Variants in JAG2 observed in about 807,000 individuals in gnomAD.
JAG2 encodes the protein jagged canonical Notch ligand 2.
A neutral mutation model predicts 141.7 loss-of-function variants in JAG2; 46 were observed. The ratio of observed to expected loss-of-function variants is 0.32; its 90% CI spans 0.26 to 0.42. The LOEUF (loss-of-function observed/expected upper bound fraction) is 0.42, where lower values mean the gene tolerates loss of function less well. JAG2 is among the 10% of genes least tolerant of loss of function. JAG2 has a pLI of 1.00. For missense variants in JAG2, 1,500 were observed against 1,817.5 expected (o/e 0.83, Z 3.18); for synonymous variants, 862 against 763.5 (o/e 1.13, Z -2.13).
At chr14:105,151,209 C>CACCCGCAG in intron 9 of JAG2, 74 bp downstream of exon 9, 1 of 1,466,024 alleles carries the variant, frequency 6.8e-7, no homozygotes, top group Admixed American at 1.9e-5. Flanking sequence ...GCCCCAGCAG[C>CACCCGCAG]CCCCGCAGCC....
rs776012109 is a variant in JAG2, at chr14:105,149,195, C to A, written c.1728G>T (p.Glu576Asp). The A allele has an allele frequency of 6.2e-7, 1 of 1,611,166 alleles. No homozygotes were observed. The highest frequency in any genetic ancestry group is 1.3e-5 in the African/African-American group (1 of 74,604). Reference sequence around the variant, plus strand: ...CTCTGCAGGCCCCGCCAGGGCACGGCTCGCGGGGCACGGAGCAGTTCTTGC... The same window carrying A: ...CTCTGCAGGCCCCGCCAGGGCACGGATCGCGGGGCACGGAGCAGTTCTTGC... ...FGGKNCSVPREPCPGGACRVI... is the reference protein window; with the variant it reads ...FGGKNCSVPRDPCPGGACRVI... The change falls in exon 13 of 26, where the codon GAG becomes GAT. Residue 576 changes from glutamate to aspartate, a missense_variant. By Grantham distance (45) the Glu-to-Asp change is conservative (BLOSUM62 2). Around this residue, in one of 3 missense-constraint regions of JAG2, gnomAD observed 875 missense variants for 1,202.2 expected, o/e 0.73. Coordinates refer to ENST00000331782, the MANE Select transcript of JAG2 (RefSeq NM_002226.5).
intron 2 of JAG2, among the ~76,000 whole-genome samples, chr14:105,164,869 G>A (rs2140996109): frequency 6.6e-6 from 1 of 152,262 alleles, no homozygotes; most frequent in Admixed American, 6.5e-5. Context: ...GAAAAGCTCA[G>A]CCCTTCTGAT....
rs766606501 is a variant in JAG2 at position 105,145,790 on chromosome 14, G to C, written c.2893C>G (p.His965Asp). Residue 965 changes from histidine to aspartate, a missense_variant, in exon 23 of 26, where the codon CAC becomes GAC. By Grantham distance (81) the His-to-Asp change is moderately conservative. Around this residue, in one of 3 missense-constraint regions of JAG2, gnomAD observed 425 missense variants for 441.0 expected, o/e 0.96. Coordinates refer to ENST00000331782, the MANE Select transcript of JAG2 (RefSeq NM_002226.5). ...AGGCGGGCACAGTTATTGTCCAGGT[G>C]GCCGGAGCGTGGCAGGCAGGGGGTG... ...PSTPCLPRSGHLDNNCARLTL... is the reference protein window; with the variant it reads ...PSTPCLPRSGDLDNNCARLTL... The C allele has an allele frequency of 7.6e-6, 12 of 1,577,196 alleles. No homozygotes were observed. Among genetic ancestry groups the C allele is most frequent in the Non-Finnish European group, 1.0e-5 (12 of 1,162,072 alleles).
intron 2 of JAG2, among the ~76,000 whole-genome samples, chr14:105,166,439 C>G (rs969576191): frequency 1.3e-5 from 2 of 152,260 alleles, no homozygotes; most frequent in Admixed American, 1.3e-4. Context: ...GGGCTTCTCA[C>G]AACTGCCTGG....
chr14:105,144,451 C>A (rs1484918655), intron 24 of JAG2, among the ~76,000 whole-genome samples: 1 of 152,174 alleles, frequency 6.6e-6, no homozygotes, highest in African/African-American at 2.4e-5. Context: ...ATGGCCACAC[C>A]CACTGCTCTG....
rs759753026 is a variant in JAG2 at position 105,155,733 on chromosome 14, C to T, written c.727+5G>A. 1.9e-6 allele frequency: 3 copies of T among 1,612,792 alleles called. No individual in the cohort carries two copies. Among genetic ancestry groups the T allele is most frequent in the East Asian group, 2.2e-5 (1 of 44,884 alleles). Reference sequence around the variant, plus strand: ...GCCCTCCACGCAGCCCAGCGGCCCCCTCACCTTCCTTGCACTCCTTGCCCA... The same window carrying T: ...GCCCTCCACGCAGCCCAGCGGCCCCTTCACCTTCCTTGCACTCCTTGCCCA... On this transcript the variant is annotated splice_donor_5th_base_variant and intron_variant, in intron 4 of 25. Coordinates refer to ENST00000331782, the MANE Select transcript of JAG2 (RefSeq NM_002226.5).
In JAG2 at chr14:105,142,655, C is replaced by T. The variant is rs1401590354; in HGVS notation, c.*40G>A. On this transcript the variant is annotated 3_prime_UTR_variant, in exon 26 of 26. Coordinates refer to ENST00000331782, the MANE Select transcript of JAG2 (RefSeq NM_002226.5). ...CGGGTCCGGCAGACGGCATGGCTCCCACCGAGGGCCCTGGGTCCCGGCCCA... is the reference window on the plus strand; with the variant it reads ...CGGGTCCGGCAGACGGCATGGCTCCTACCGAGGGCCCTGGGTCCCGGCCCA... 1.3e-6 allele frequency: 2 copies of T among 1,495,806 alleles called. No individual in the cohort carries two copies. The highest frequency in any genetic ancestry group is 2.4e-5 in the South Asian group (2 of 84,068). 92.7% of individuals were successfully genotyped at this position (1,495,806 alleles called of 1,614,324 possible). A position where few individuals can be genotyped will look rare whatever the true frequency, so the allele number is the denominator to read the frequency against.
In JAG2 at chr14:105,167,437, G is replaced by A. The variant is rs1888951333; in HGVS notation, c.417+320C>T. Among the ~76,000 whole-genome samples, 1 of 151,846 alleles carries A rather than the reference G, an allele frequency of 6.6e-6. No individual in the cohort carries two copies. The highest frequency in any genetic ancestry group is 2.4e-5 in the African/African-American group (1 of 41,400). On this transcript the variant is annotated intron_variant, in intron 2 of 25. Transcript: ENST00000331782. This position sits in a 1 kb window ranked among gnomAD's most constrained non-coding sequence, Gnocchi z 4.8. ...CCACCGCGGCCTGCCCGGGACCGGGGCGCCTCGCCTCGCCTCCCCACCCAG... is the reference window on the plus strand; with the variant it reads ...CCACCGCGGCCTGCCCGGGACCGGGACGCCTCGCCTCGCCTCCCCACCCAG...
chr14:105,160,655 G>A (rs909004235), intron 2 of JAG2, among the ~76,000 whole-genome samples: 2 of 151,992 alleles, frequency 1.3e-5, no homozygotes, highest in Non-Finnish European at 2.9e-5. Context: ...CTGAGGTCAG[G>A]AGTTCGAGAC....
At chr14:105,143,271 C>G (rs1037610284) in intron 25 of JAG2, 101 bp from the exon 26 acceptor site, 5 of 1,410,692 alleles carry the variant, frequency 3.5e-6, no homozygotes, top group Non-Finnish European at 4.8e-6. Context: ...GCCAGGCGGC[C>G]GGGCCCCACC....
At position 105,167,352 on chromosome 14, in the gene JAG2, GC is replaced by G. The variant is rs1334105355; in HGVS notation, c.417+404del. Among the ~76,000 whole-genome samples the G allele has an allele frequency of 6.6e-6, 1 of 152,054 alleles. No individual in the cohort carries two copies. On this transcript the variant is annotated intron_variant, in intron 2 of 25. Coordinates refer to ENST00000331782, the MANE Select transcript of JAG2 (RefSeq NM_002226.5). This position sits in a 1 kb window ranked among gnomAD's most constrained non-coding sequence, Gnocchi z 4.8. ...CAGGGCAGGCGCAGGCTGGCCACGG[GC>G]CCGGGGCGGCTCAGTCAGGGCCTGC...
In JAG2 at chr14:105,148,173, C is replaced by T. The variant is rs1888290031; in HGVS notation, c.2191G>A (p.Gly731Ser). The T allele has an allele frequency of 1.8e-5, 28 of 1,552,220 alleles. No homozygotes were observed. The highest frequency in any genetic ancestry group is 2.4e-5 in the Non-Finnish European group (27 of 1,148,038). The change falls in exon 17 of 26, where the codon GGC becomes AGC. Residue 731 changes from glycine to serine, a missense_variant. Gly to Ser is a moderately conservative substitution (Grantham distance 56). Coordinates refer to ENST00000331782, the MANE Select transcript of JAG2 (RefSeq NM_002226.5). ...GGGCAGGCGCAGCGGAAGGTGTCGCCGCTGTCGTAGCAGGTGCCACCGTTG... is the reference window on the plus strand; with the variant it reads ...GGGCAGGCGCAGCGGAAGGTGTCGCTGCTGTCGTAGCAGGTGCCACCGTTG... ...CSNGGTCYDS[G>S]DTFRCACPPG... is the part of the protein sequence containing the mutation.
intron 2 of JAG2, among the ~76,000 whole-genome samples, chr14:105,160,863 CAAA>C (rs774746168): frequency 7.5e-5 from 6 of 79,688 alleles, no homozygotes; most frequent in African/African-American, 8.3e-5. Flanking sequence ...AACTCCATCT[CAAA>C]AAAAAAAAAA....
chr14:105,150,951 T>G, intron 10 of JAG2, 40 bp from the exon 11 acceptor site: 1 of 1,594,550 alleles, frequency 6.3e-7, no homozygotes, highest in Non-Finnish European at 8.5e-7. Context: ...GGGTCCCATG[T>G]GCCTCGGCCC....
rs776534959 is a variant in JAG2 at position 105,167,985 on chromosome 14, G to A, written c.189C>T (p.Gly63=). 5.6e-6 allele frequency: 9 copies of A among 1,602,694 alleles called. No homozygotes were observed. The highest frequency in any genetic ancestry group is 1.1e-5 in the South Asian group (1 of 90,660). Residue 63 remains glycine (G), a synonymous_variant, in exon 2 of 26, where the codon GGC becomes GGT. Transcript: ENST00000331782. The surrounding 1 kb of genome is among the most constrained non-coding windows in gnomAD (Gnocchi z 4.8). ...DGRTTRAGGC[G]HDECDTYVRV... is the part of the protein sequence containing the mutation. ...GCACGTACGTGTCGCACTCGTCGTG[G>A]CCGCAGCCCCCCGCGCGCGTTGTCC...
At chr14:105,168,186 G>T in intron 1 of JAG2, 79 bp from the exon 2 acceptor site, 1 of 1,185,770 alleles carries the variant, frequency 8.4e-7, no homozygotes, top group Non-Finnish European at 1.1e-6. Flanking sequence ...GGGGGAACAG[G>T]CCCCGCCGCC....
Position 105,154,184 on chromosome 14 carries a change from T to C in JAG2, c.788+1378A>G, listed in dbSNP as rs1403347682. Reference sequence around the variant, plus strand: ...TGGTTCCCAAACTCCCCGACTCCTCTCCAAAACGCCACGCTGTGTGACCCT... The same window carrying C: ...TGGTTCCCAAACTCCCCGACTCCTCCCCAAAACGCCACGCTGTGTGACCCT... On this transcript the variant is annotated intron_variant, in intron 5 of 25. Transcript: ENST00000331782. The surrounding 1 kb of genome is among the most constrained non-coding windows in gnomAD (Gnocchi z 4.4). Among the ~76,000 whole-genome samples the C allele has an allele frequency of 1.3e-5, 2 of 152,024 alleles. No individual in the cohort carries two copies. Among genetic ancestry groups the C allele is most frequent in the African/African-American group, 4.8e-5 (2 of 41,376 alleles).
chr14:105,158,139 G>A (rs1220936032), intron 2 of JAG2, among the ~76,000 whole-genome samples: 1 of 152,130 alleles, frequency 6.6e-6, no homozygotes, highest in Non-Finnish European at 1.5e-5. Flanking sequence ...GGGGCCCCAT[G>A]GGCAGCCGGG....
rs368185909 is a variant in JAG2 at position 105,150,858 on chromosome 14, G to A, written c.1428+7C>T. ...CCACGCCACACACCCTCCTGGCCCC[G>A]CCTCACCTTGCAGGTGCCCCCATGC... On this transcript the variant is annotated splice_region_variant and intron_variant, in intron 11 of 25. Coordinates refer to ENST00000331782, the MANE Select transcript of JAG2 (RefSeq NM_002226.5). The A allele has an allele frequency of 3.4e-5, 54 of 1,582,890 alleles. No individual in the cohort carries two copies. The highest frequency in any genetic ancestry group is 2.9e-4 in the South Asian group (25 of 87,278).
Sources: gnomAD v4.1 joint callset for allele counts (sites outside exome capture counted in the v4.1 genomes callset) on GRCh38, gnomAD v4.1.1 for gene constraint, gnomAD v4.1.1 regional missense constraint, Gnocchi (gnomAD v3.1) non-coding constraint, MANE v1.5 for transcripts, NCBI Gene and HGNC (gene_info 2026-07-23, HGNC 2026-07-21) for gene names.